Variants in ATL1 observed in about 807,000 individuals in gnomAD.
ATL1 encodes atlastin-1.
In ATL1, 31 loss-of-function variants were observed where a neutral mutation model predicts 75.5. The ratio of observed to expected loss-of-function variants is 0.41; its 90% CI spans 0.31 to 0.55. The LOEUF is 0.55. Among genes scored for constraint, ATL1 ranks in the 20% least tolerant of loss-of-function variants. ATL1 has a pLI of 0.27. For missense variants in ATL1, 405 were observed against 662.6 expected (o/e 0.61, Z 4.27); for synonymous variants, 226 against 233.3 (o/e 0.97, Z 0.28).
In ATL1 at chr14:50,613,801, G is replaced by A. The variant is rs189131263; in HGVS notation, c.723+450G>A. 6.6e-5 allele frequency among the ~76,000 whole-genome samples: 10 copies of A among 152,250 alleles called. No individual in the cohort carries two copies. In the East Asian group the frequency reaches 1.7e-3, roughly 26 times the overall value. ...GAGAAAGATCAAAATTTACAAAAATGTTCCTTGAAAATTGGGATCTCTGAA... is the reference window on the plus strand; with the variant it reads ...GAGAAAGATCAAAATTTACAAAAATATTCCTTGAAAATTGGGATCTCTGAA... On this transcript the variant is annotated intron_variant, in intron 7 of 13. Coordinates refer to ENST00000358385, the MANE Select transcript of ATL1 (RefSeq NM_015915.5).
chr14:50,549,268 C>G (rs941339298), intron 1 of ATL1, among the ~76,000 whole-genome samples: 1 of 152,166 alleles, frequency 6.6e-6, no homozygotes, highest in African/African-American at 2.4e-5. Context: ...GATACTGACA[C>G]CATATAACCA....
At position 50,628,347 on chromosome 14, in the gene ATL1, T is replaced by C; in HGVS notation, c.1436T>C (p.Met479Thr). The C allele has an allele frequency of 6.2e-7, 1 of 1,614,188 alleles. No individual in the cohort carries two copies. The highest frequency in any genetic ancestry group is 8.5e-7 in the Non-Finnish European group (1 of 1,180,032). ...GACATCATAGCTAGCCTATGCAATA[T>C]GATAATGGGACTGACCCTTATCACC... ...GLDIIASLCN[M>T]IMGLTLITLC... The change falls in exon 12 of 14, where the codon ATG (methionine) becomes ACG (threonine). Residue 479 changes from methionine to threonine, a missense_variant. Coordinates refer to ENST00000358385, the MANE Select transcript of ATL1 (RefSeq NM_015915.5).
intron 6 of ATL1, among the ~76,000 whole-genome samples, chr14:50,607,683 C>T (rs1000877752): frequency 1.3e-5 from 2 of 151,944 alleles, no homozygotes; most frequent in Non-Finnish European, 2.9e-5. Flanking sequence ...TATTTACTGG[C>T]TGTATGGTTT....
At chr14:50,596,676 GC>G (rs1434664573) in intron 6 of ATL1, among the ~76,000 whole-genome samples, 1 of 152,144 alleles carries the variant, frequency 6.6e-6, no homozygotes, top group East Asian at 1.9e-4. Context: ...GTAAGAAAGT[GC>G]TCATTTTAAA....
At chr14:50,553,232 C>T (rs1021958795) in intron 1 of ATL1, among the ~76,000 whole-genome samples, 11 of 149,806 alleles carry the variant, frequency 7.3e-5, no homozygotes, top group Middle Eastern at 6.9e-3. Context: ...GATCGTGCCA[C>T]TGCACTCCAG....
At chr14:50,595,915 CT>C (rs553918863) in intron 6 of ATL1, among the ~76,000 whole-genome samples, 3 of 151,630 alleles carry the variant, frequency 2.0e-5, no homozygotes, top group Admixed American at 6.6e-5. Context: ...CAAAGTGACT[CT>C]CAAAGTGCTG....
At chr14:50,610,823 T>A (rs1481055923) in intron 6 of ATL1, among the ~76,000 whole-genome samples, 2 of 152,306 alleles carry the variant, frequency 1.3e-5, no homozygotes, top group Admixed American at 1.3e-4. Context: ...CTATAAATAA[T>A]GCACCATAAC....
chr14:50,625,257 GAA>G (rs1307234024), intron 11 of ATL1, among the ~76,000 whole-genome samples: 2 of 152,180 alleles, frequency 1.3e-5, no homozygotes, highest in Non-Finnish European at 2.9e-5. Flanking sequence ...TATGAATGCT[GAA>G]AGAGTTGGTA....
upstream of ATL1, among the ~76,000 whole-genome samples, chr14:50,557,682 G>T (rs1303330075): frequency 6.6e-6 from 1 of 152,104 alleles, no homozygotes; most frequent in Non-Finnish European, 1.5e-5. Context: ...TACTATTGAG[G>T]TATTTCTTCA....
intron 1 of ATL1, among the ~76,000 whole-genome samples, chr14:50,538,579 C>A (rs2038522463): frequency 6.6e-6 from 1 of 152,192 alleles, no homozygotes; most frequent in Non-Finnish European, 1.5e-5. Flanking sequence ...CAGGTATGTT[C>A]AAAAGGGTGC....
chr14:50,614,310 C>T, intron 7 of ATL1, 63 bp from the exon 8 acceptor site: 3 of 1,565,932 alleles, frequency 1.9e-6, no homozygotes, highest in Non-Finnish European at 2.6e-6. Flanking sequence ...TATAAGATGC[C>T]ACAGAATTCC....
chr14:50,556,768 C>G (rs1399729164), upstream of ATL1, among the ~76,000 whole-genome samples: 1 of 152,146 alleles, frequency 6.6e-6, no homozygotes, highest in East Asian at 1.9e-4. Context: ...TGGCTGGCTA[C>G]TTTCATTTAC....
intron 1 of ATL1, among the ~76,000 whole-genome samples, chr14:50,568,354 C>T (rs1159175694): frequency 6.6e-6 from 1 of 152,058 alleles, no homozygotes; most frequent in Non-Finnish European, 1.5e-5. Context: ...TATGATTTGG[C>T]CTGTGACTAG....
chr14:50,548,007 C>A (rs2038655296), intron 1 of ATL1, among the ~76,000 whole-genome samples: 1 of 152,188 alleles, frequency 6.6e-6, no homozygotes, highest in Non-Finnish European at 1.5e-5. Context: ...ATGCTAACCT[C>A]AGAGTCTCTT....
intron 1 of ATL1, among the ~76,000 whole-genome samples, chr14:50,566,156 C>A (rs954314358): frequency 1.3e-5 from 2 of 152,120 alleles, no homozygotes; most frequent in Admixed American, 6.5e-5. Context: ...CGCCACCACA[C>A]CCAGCTAATT....
chr14:50,561,781 G>T (rs1003464327), intron 1 of ATL1, among the ~76,000 whole-genome samples: 7 of 152,094 alleles, frequency 4.6e-5, no homozygotes, highest in African/African-American at 9.7e-5. Flanking sequence ...CCTGACTATT[G>T]CAATAAGTTT....
intron 1 of ATL1, among the ~76,000 whole-genome samples, chr14:50,567,132 C>T (rs1429661753): frequency 6.6e-6 from 1 of 152,184 alleles, no homozygotes; most frequent in Non-Finnish European, 1.5e-5. Flanking sequence ...AACTCCTCAT[C>T]CCTCCTCATG....
At chr14:50,552,245 C>G (rs1244212851) in intron 1 of ATL1, among the ~76,000 whole-genome samples, 1 of 151,536 alleles carries the variant, frequency 6.6e-6, no homozygotes, top group Non-Finnish European at 1.5e-5. Context: ...ATCAAGTACT[C>G]AATCCCTTTT....
intron 1 of ATL1, among the ~76,000 whole-genome samples, chr14:50,574,867 G>C (rs1051860493): frequency 7.0e-6 from 1 of 142,756 alleles, no homozygotes; most frequent in Non-Finnish European, 1.5e-5. Flanking sequence ...TTATTAAAAG[G>C]TATGTGTATT....
Sources: gnomAD v4.1 joint callset for allele counts (sites outside exome capture counted in the v4.1 genomes callset) on GRCh38, gnomAD v4.1.1 for gene constraint, MANE v1.5 for transcripts, NCBI Gene and HGNC (gene_info 2026-07-23, HGNC 2026-07-21) for gene names.